Variants in TSPAN8 observed in about 807,000 individuals in gnomAD.
The protein encoded by TSPAN8 is tetraspanin-8.
Under a neutral mutation model 32.8 loss-of-function variants are expected in TSPAN8, and 21 were observed. That is an observed-to-expected ratio of 0.64 (90% CI 0.45 to 0.92). The LOEUF (loss-of-function observed/expected upper bound fraction) is 0.92, where lower values mean the gene tolerates loss of function less well. Among genes scored for constraint, TSPAN8 ranks in the 40% least tolerant of loss-of-function variants. TSPAN8 has a pLI of 0.00. For missense variants in TSPAN8, 269 were observed against 281.9 expected (o/e 0.95, Z 0.33); for synonymous variants, 95 against 94.6 (o/e 1.00, Z -0.03).
chr12:71,141,142 G>A (rs1871890439), intron 3 of TSPAN8, among the ~76,000 whole-genome samples: 2 of 152,142 alleles, frequency 1.3e-5, no homozygotes, highest in South Asian at 4.1e-4. Context: ...CCAACCTAGT[G>A]GGCTCCAGTT....
At chr12:71,139,502 A>C (rs1218437164) in intron 4 of TSPAN8, among the ~76,000 whole-genome samples, 2 of 152,210 alleles carry the variant, frequency 1.3e-5, no homozygotes, top group Admixed American at 1.3e-4. Context: ...TGAATGATTA[A>C]AATTTGTCTC....
intron 3 of TSPAN8, among the ~76,000 whole-genome samples, chr12:71,140,533 C>G (rs1871870044): frequency 6.6e-6 from 1 of 152,008 alleles, no homozygotes. Flanking sequence ...CTCTTTGTTC[C>G]CAAAAGCCAT....
At chr12:71,156,192 G>T (rs1872423229) in intron 2 of TSPAN8, among the ~76,000 whole-genome samples, 1 of 144,204 alleles carries the variant, frequency 6.9e-6, no homozygotes, top group South Asian at 2.2e-4. Context: ...GGCCACCTGG[G>T]CTGGCCAATG....
chr12:71,132,575 A>C lies in TSPAN8; in HGVS notation c.576+118T>G, dbSNP rs956764111. ...ATTTTTTTAATTTGGGAAATTTCTG[A>C]GATTTTTATATCATGATTCCCATGG... On this transcript the variant is annotated intron_variant, in intron 7 of 8. Coordinates refer to ENST00000247829, the MANE Select transcript of TSPAN8 (RefSeq NM_004616.3). 2.8e-5 allele frequency: 35 copies of C among 1,240,956 alleles called. No homozygotes were observed. In the African/African-American group the frequency reaches 4.8e-4, roughly 17 times the overall value. The allele number at this position is 1,240,956 out of a possible 1,614,324, so 76.9% of individuals were successfully genotyped here. A position where few individuals can be genotyped will look rare whatever the true frequency, so the allele number is the denominator to read the frequency against.
intron 8 of TSPAN8, among the ~76,000 whole-genome samples, chr12:71,128,530 T>C (rs563519239): frequency 6.6e-6 from 1 of 152,312 alleles, no homozygotes; most frequent in South Asian, 2.1e-4. Flanking sequence ...TTTGATCTAC[T>C]TGATATTAAA....
chr12:71,140,841 G>A (rs537123544), intron 3 of TSPAN8, among the ~76,000 whole-genome samples: 1 of 152,214 alleles, frequency 6.6e-6, no homozygotes, highest in South Asian at 2.1e-4. Flanking sequence ...TCTATCTACT[G>A]GGCTGTCTCT....
intron 2 of TSPAN8, among the ~76,000 whole-genome samples, chr12:71,145,987 G>A (rs1872064920): frequency 6.6e-6 from 1 of 152,010 alleles, no homozygotes; most frequent in Non-Finnish European, 1.5e-5. Context: ...TTTTGTTCGT[G>A]TATCACTATT....
rs142943452 is a variant in TSPAN8, at chr12:71,145,417, C to T, written c.61-1204G>A. Among the ~76,000 whole-genome samples, 552 of 152,198 alleles carry T rather than the reference C, an allele frequency of 3.6e-3. 3 individuals are homozygous for T. The highest frequency in any genetic ancestry group is 6.0e-3 in the Admixed American group (91 of 15,272). ...AATCTGCCCTTACAACATACTTCAG[C>T]TCCTACAAAATAACTAATGCAATTA... On this transcript the variant is annotated intron_variant, in intron 2 of 8. Transcript: ENST00000247829.
chr12:71,144,673 GTTGGGA>G (rs1229553935), intron 2 of TSPAN8, among the ~76,000 whole-genome samples: 1 of 152,202 alleles, frequency 6.6e-6, no homozygotes, highest in African/African-American at 2.4e-5. Context: ...GAAGGGAGAT[GTTGGGA>G]TAGAGGGGGA....
intron 3 of TSPAN8, 111 bp downstream of exon 3, chr12:71,144,040 A>T (rs1016169995): frequency 1.2e-6 from 1 of 849,882 alleles, no homozygotes; most frequent in Non-Finnish European, 1.8e-6. Flanking sequence ...TACATGAAGC[A>T]GTTAAGAAAA....
Position 71,139,927 on chromosome 12 carries a change from G to A in TSPAN8, c.124-79C>T, listed in dbSNP as rs1565786290. The A allele has an allele frequency of 3.7e-6, 5 of 1,343,838 alleles. No individual in the cohort carries two copies. In the East Asian group the frequency reaches 7.5e-5, roughly 20 times the overall value. 83.2% of individuals were successfully genotyped at this position (1,343,838 alleles called of 1,614,324 possible). A position where few individuals can be genotyped will look rare whatever the true frequency, so the allele number is the denominator to read the frequency against. On this transcript the variant is annotated intron_variant, in intron 3 of 8. Transcript: ENST00000247829. ...TGCTCATTCAACAAATATCCATTGA[G>A]TGCCTCCTATGTGTCAAGTCCTGTG...
At chr12:71,138,842 C>T (rs1252697061) in intron 4 of TSPAN8, among the ~76,000 whole-genome samples, 2 of 152,100 alleles carry the variant, frequency 1.3e-5, no homozygotes, top group Non-Finnish European at 2.9e-5. Flanking sequence ...CCGTCCCTCA[C>T]AATAAACAAA....
chr12:71,148,377 T>C (rs1338987724), intron 2 of TSPAN8, among the ~76,000 whole-genome samples: 1 of 152,222 alleles, frequency 6.6e-6, no homozygotes, highest in Non-Finnish European at 1.5e-5. Flanking sequence ...ACCAGCCTTA[T>C]TTTCGTTCAT....
intron 3 of TSPAN8, among the ~76,000 whole-genome samples, chr12:71,141,378 G>T (rs1207670385): frequency 1.3e-5 from 2 of 152,174 alleles, no homozygotes; most frequent in African/African-American, 4.8e-5. Flanking sequence ...AAATAAATGT[G>T]ACAAAAATAG....
intron 6 of TSPAN8, among the ~76,000 whole-genome samples, chr12:71,137,696 A>G (rs1871748483): frequency 6.6e-6 from 1 of 152,170 alleles, no homozygotes; most frequent in Non-Finnish European, 1.5e-5. Context: ...ACTATTATTG[A>G]TTTGACTCAT....
chr12:71,130,782 G>A (rs1204848926), intron 7 of TSPAN8, among the ~76,000 whole-genome samples: 4 of 152,092 alleles, frequency 2.6e-5, no homozygotes, highest in African/African-American at 9.7e-5. Flanking sequence ...TTATGTTTCA[G>A]GGGTTTTTCT....
At chr12:71,136,272 C>T (rs1049419723) in intron 6 of TSPAN8, among the ~76,000 whole-genome samples, 5 of 152,000 alleles carry the variant, frequency 3.3e-5, no homozygotes, top group Admixed American at 6.5e-5. Flanking sequence ...AATGTAAATC[C>T]TAGGGAGGCA....
intron 2 of TSPAN8, among the ~76,000 whole-genome samples, chr12:71,148,453 T>C (rs1872144117): frequency 6.6e-6 from 1 of 152,252 alleles, no homozygotes; most frequent in Non-Finnish European, 1.5e-5. Flanking sequence ...TTATTTATCT[T>C]TTAACTAAGT....
intron 1 of TSPAN8, 37 bp downstream of exon 1, chr12:71,157,893 C>T (rs1044509833): frequency 3.7e-6 from 2 of 535,610 alleles, no homozygotes; most frequent in East Asian, 5.7e-5. Context: ...AGGCTATTAA[C>T]CCACACATTT....
Sources: gnomAD v4.1 joint callset for allele counts (sites outside exome capture counted in the v4.1 genomes callset) on GRCh38, gnomAD v4.1.1 for gene constraint, MANE v1.5 for transcripts, NCBI Gene and HGNC (gene_info 2026-07-23, HGNC 2026-07-21) for gene names.